PEX14: variants seen among roughly 807,000 people sequenced by gnomAD.
The protein encoded by PEX14 is peroxisomal membrane protein PEX14.
Under a neutral mutation model 49.5 loss-of-function variants are expected in PEX14, and 15 were observed. The ratio of observed to expected loss-of-function variants is 0.30; its 90% CI spans 0.20 to 0.47. The LOEUF is 0.47. Among genes scored for constraint, PEX14 ranks in the 20% least tolerant of loss-of-function variants. The pLI is 1.00. For missense variants in PEX14, 398 were observed against 494.8 expected (o/e 0.80, Z 1.86); for synonymous variants, 210 against 212.7 (o/e 0.99, Z 0.11).
At chr1:10,535,536 C>T (rs773533116) in intron 2 of PEX14, among the ~76,000 whole-genome samples, 13 of 152,324 alleles carry the variant, frequency 8.5e-5, no homozygotes, top group South Asian at 2.1e-4. Context: ...CCAGCCGGGA[C>T]GCCCTCAACA....
rs1641488352 is a variant in PEX14 at position 10,618,321 on chromosome 1, C to G, written c.299-11C>G. The G allele has an allele frequency of 6.2e-7, 1 of 1,612,098 alleles. No homozygotes were observed. Among genetic ancestry groups the G allele is most frequent in the African/African-American group, 1.3e-5 (1 of 74,894 alleles). On this transcript the variant is annotated splice_polypyrimidine_tract_variant and intron_variant, in intron 4 of 8. Transcript: ENST00000356607. ...TGCGTCTTCTAACCCTCCTCCTCTT[C>G]CCGCCTGTAGGTCCCGCAGGCTCCC...
chr1:10,572,688 C>G (rs1033368526), intron 3 of PEX14, among the ~76,000 whole-genome samples: 1 of 148,262 alleles, frequency 6.7e-6, no homozygotes, highest in African/African-American at 2.5e-5. Context: ...GCGCCCCCCC[C>G]ACCACGCCCA....
chr1:10,601,960 G>A (rs1207027136), intron 4 of PEX14, among the ~76,000 whole-genome samples: 1 of 152,112 alleles, frequency 6.6e-6, no homozygotes, highest in Non-Finnish European at 1.5e-5. Context: ...CAGGTCTCTC[G>A]GCTACTTGGA....
intron 2 of PEX14, among the ~76,000 whole-genome samples, chr1:10,528,080 C>A (rs900741618): frequency 1.3e-5 from 2 of 152,192 alleles, no homozygotes; most frequent in Non-Finnish European, 2.9e-5. Flanking sequence ...AATTCAGGAG[C>A]CCATCTTCTT....
At chr1:10,509,896 T>C (rs536428655) in intron 2 of PEX14, among the ~76,000 whole-genome samples, 12 of 152,328 alleles carry the variant, frequency 7.9e-5, no homozygotes, top group Middle Eastern at 3.4e-3. Context: ...TATAATACAA[T>C]GTATTTTCGT....
intron 4 of PEX14, among the ~76,000 whole-genome samples, chr1:10,614,364 A>T (rs763731336): frequency 6.6e-6 from 1 of 152,210 alleles, no homozygotes; most frequent in Non-Finnish European, 1.5e-5. Flanking sequence ...AGGGGGCAAT[A>T]AAATGTTCTT....
intron 3 of PEX14, among the ~76,000 whole-genome samples, chr1:10,585,802 A>C (rs1640466778): frequency 1.3e-5 from 2 of 152,254 alleles, no homozygotes; most frequent in African/African-American, 4.8e-5. Flanking sequence ...AGTCTGAGGC[A>C]GGAGAATTGC....
chr1:10,602,789 A>G (rs1242768185), intron 4 of PEX14, among the ~76,000 whole-genome samples: 1 of 152,168 alleles, frequency 6.6e-6, no homozygotes, highest in Non-Finnish European at 1.5e-5. Context: ...TAGGTGCACA[A>G]TCTGCATGCT....
intron 3 of PEX14, among the ~76,000 whole-genome samples, chr1:10,574,067 A>C (rs1640055456): frequency 6.6e-6 from 1 of 152,194 alleles, no homozygotes; most frequent in Non-Finnish European, 1.5e-5. Context: ...GTGCCACTGC[A>C]CTCCAGCCTG....
chr1:10,567,639 C>T (rs1443815644), intron 3 of PEX14, among the ~76,000 whole-genome samples: 1 of 152,100 alleles, frequency 6.6e-6, no homozygotes, highest in Non-Finnish European at 1.5e-5. Context: ...GGATTACACG[C>T]ATGCACCACC....
rs1475098959 is a variant in PEX14 at position 10,571,153 on chromosome 1, G to A, written c.170-28085G>A. Among the ~76,000 whole-genome samples the A allele has an allele frequency of 2.6e-5, 4 of 151,256 alleles. No individual in the cohort carries two copies. The South Asian group carries it at 8.4e-4, about 32-fold the overall frequency. On this transcript the variant is annotated intron_variant, in intron 3 of 8. Coordinates refer to ENST00000356607, the MANE Select transcript of PEX14 (RefSeq NM_004565.3). ...ATTACAGGTGTGAGCCACTGTGCCC[G>A]GCCTTCAACAGTTGTTTTGACATAC...
chr1:10,505,455 A>G (rs1193726686), intron 2 of PEX14, among the ~76,000 whole-genome samples: 1 of 152,044 alleles, frequency 6.6e-6, no homozygotes, highest in African/African-American at 2.4e-5. Context: ...AAAACAAAAC[A>G]CAATCTTTTT....
intron 4 of PEX14, among the ~76,000 whole-genome samples, chr1:10,617,272 G>T (rs1028724573): frequency 6.6e-6 from 1 of 151,654 alleles, no homozygotes; most frequent in African/African-American, 2.4e-5. Flanking sequence ...TCTCCACCTC[G>T]TGAACCCTTG....
chr1:10,511,243 TTTG>T (rs1249517733), intron 2 of PEX14, among the ~76,000 whole-genome samples: 2 of 152,208 alleles, frequency 1.3e-5, no homozygotes, highest in African/African-American at 4.8e-5. Flanking sequence ...TCTTTTTTAT[TTTG>T]TTATCTCCTG....
chr1:10,476,951 G>T (rs547601956), intron 1 of PEX14, among the ~76,000 whole-genome samples: 2 of 152,266 alleles, frequency 1.3e-5, no homozygotes, highest in East Asian at 3.9e-4. Context: ...GGTCCTTTAA[G>T]GGGGCATGGC....
chr1:10,551,048 T>C (rs996157320), intron 3 of PEX14, among the ~76,000 whole-genome samples: 3 of 152,198 alleles, frequency 2.0e-5, no homozygotes, highest in Admixed American at 6.5e-5. Context: ...TTGTTCTGTA[T>C]GGACGCTTTT....
In PEX14 at chr1:10,629,038, A is replaced by T. The variant is rs1182130285; in HGVS notation, c.678-493A>T. ...CGCCCTTTTGGTTCTGATGTGTCTG[A>T]CCCCCTGCCAGTGGCCAGGGCTCCC... On this transcript the variant is annotated intron_variant, in intron 8 of 8. Coordinates refer to ENST00000356607, the MANE Select transcript of PEX14 (RefSeq NM_004565.3). The surrounding 1 kb of genome is among the most constrained non-coding windows in gnomAD (Gnocchi z 8.5). Among the ~76,000 whole-genome samples the T allele has an allele frequency of 6.6e-6, 1 of 152,010 alleles. No homozygotes were observed. The highest frequency in any genetic ancestry group is 1.5e-5 in the Non-Finnish European group (1 of 67,986).
intron 3 of PEX14, among the ~76,000 whole-genome samples, chr1:10,574,742 A>G (rs560639619): frequency 5.4e-4 from 83 of 152,308 alleles, no homozygotes; most frequent in African/African-American, 1.9e-3. Flanking sequence ...AACAAGAGAC[A>G]TAACTAAAAT....
At chr1:10,498,662 C>A (rs1032247988) in intron 2 of PEX14, among the ~76,000 whole-genome samples, 2 of 152,176 alleles carry the variant, frequency 1.3e-5, no homozygotes. Context: ...CAACATTGAC[C>A]GTCTCAGAGG....
Sources: allele counts gnomAD v4.1 joint callset (sites outside exome capture counted in the v4.1 genomes callset), GRCh38; gene constraint gnomAD v4.1.1; non-coding constraint Gnocchi (gnomAD v3.1); transcripts MANE v1.5; gene names NCBI Gene and HGNC (gene_info 2026-07-23, HGNC 2026-07-21).